The following HNRNPR variants were observed in gnomAD, a reference collection of about 807,000 sequenced individuals.
HNRNPR encodes heterogeneous nuclear ribonucleoprotein R.
A neutral mutation model predicts 70.3 loss-of-function variants in HNRNPR; 4 were observed. The observed-to-expected ratio is 0.06, with a 90% confidence interval of 0.03 to 0.13. The LOEUF is 0.13. Ranked by LOEUF, HNRNPR falls within the 10% of genes least tolerant of loss-of-function variation. The probability of loss-of-function intolerance (pLI) is 1.00; values close to 1 mark genes in which losing one functional copy is unlikely to be tolerated. For synonymous variants in HNRNPR, 241 were observed against 267.6 expected, an observed-to-expected ratio of 0.90 and a Z score of 0.97; for missense variants, 423 against 788.5, an observed-to-expected ratio of 0.54 and a Z score of 5.55.
chr1:23,341,123 C>T (rs1646689937), intron 1 of HNRNPR, 106 bp from the exon 2 acceptor site: 1 of 761,920 alleles, frequency 1.3e-6, no homozygotes, highest in African/African-American at 1.8e-5. Flanking sequence ...CTGCTAATAA[C>T]CTCTATCAAA....
intron 5 of HNRNPR, among the ~76,000 whole-genome samples, chr1:23,326,020 C>T (rs1645958945): frequency 6.6e-6 from 1 of 152,038 alleles, no homozygotes; most frequent in Admixed American, 6.6e-5. Context: ...GCCACTATGC[C>T]CAGCTAATAT....
chr1:23,340,085 G>A (rs918728915), intron 2 of HNRNPR, among the ~76,000 whole-genome samples: 2 of 150,970 alleles, frequency 1.3e-5, no homozygotes, highest in African/African-American at 2.4e-5. Flanking sequence ...AGACACATTT[G>A]TGAGTGAGAC....
intron 4 of HNRNPR, among the ~76,000 whole-genome samples, chr1:23,336,687 T>C (rs1570107953): frequency 7.0e-6 from 1 of 143,860 alleles, no homozygotes; most frequent in Non-Finnish European, 1.5e-5. Flanking sequence ...GAGACAGAGG[T>C]TGAAGTGAGC....
At position 23,310,665 on chromosome 1, in the gene HNRNPR, T is replaced by C. The variant is rs758800674; in HGVS notation, c.1691A>G (p.Asn564Ser). The C allele has an allele frequency of 8.1e-6, 13 of 1,613,398 alleles. No homozygotes were observed. The highest frequency in any genetic ancestry group is 4.4e-5 in the South Asian group (4 of 91,056). ...RGRGSRGSRGNRGGNVGGKRK... is the reference protein window; with the variant it reads ...RGRGSRGSRGSRGGNVGGKRK... ...CTTGCCTCCTACATTGCCCCCACGATTGCCCCGAGATCCACGGGAACCACG... is the reference window on the plus strand; with the variant it reads ...CTTGCCTCCTACATTGCCCCCACGACTGCCCCGAGATCCACGGGAACCACG... The change falls in exon 11 of 11, where the codon AAT (asparagine) becomes AGT (serine). Residue 564 changes from asparagine (N) to serine (S), a missense_variant. Physicochemically the swap from Asn to Ser is conservative, Grantham distance 46 (BLOSUM62 1). Around this residue, in one of 7 missense-constraint regions of HNRNPR, gnomAD observed 169 missense variants for 195.6 expected, o/e 0.86. Coordinates refer to ENST00000302271, the MANE Select transcript of HNRNPR (RefSeq NM_005826.5). The surrounding 1 kb of genome is among the most constrained non-coding windows in gnomAD (Gnocchi z 6.0).
intron 5 of HNRNPR, among the ~76,000 whole-genome samples, chr1:23,325,840 A>G (rs1374996503): frequency 6.6e-6 from 1 of 152,142 alleles, no homozygotes; most frequent in Non-Finnish European, 1.5e-5. Flanking sequence ...ATTGTATTAT[A>G]TTTATTTCCT....
intron 7 of HNRNPR, 29 bp downstream of exon 7, chr1:23,321,499 A>T: frequency 1.2e-6 from 2 of 1,601,178 alleles, no homozygotes; most frequent in Middle Eastern, 1.7e-4. Context: ...ATTTCGCAAA[A>T]GTAATTTCTA....
chr1:23,319,421 G>C (rs1645672277), intron 7 of HNRNPR, among the ~76,000 whole-genome samples: 1 of 152,172 alleles, frequency 6.6e-6, no homozygotes. Context: ...ACCTGGTTCT[G>C]AAGCCAGAAA....
At chr1:23,315,068 T>C (rs575594539) in intron 8 of HNRNPR, among the ~76,000 whole-genome samples, 4 of 151,908 alleles carry the variant, frequency 2.6e-5, no homozygotes, top group South Asian at 4.2e-4. Context: ...TCACCTGAGG[T>C]TGGGAGTTCA....
At chr1:23,311,365 G>A in intron 9 of HNRNPR, 43 bp from the exon 10 acceptor site, 3 of 1,311,378 alleles carry the variant, frequency 2.3e-6, no homozygotes, top group Non-Finnish European at 3.2e-6. Flanking sequence ...ATATAAAACT[G>A]TATTTTGTTT....
At chr1:23,326,983 T>C (rs1557882569) in intron 5 of HNRNPR, among the ~76,000 whole-genome samples, 1 of 152,100 alleles carries the variant, frequency 6.6e-6, no homozygotes, top group Non-Finnish European at 1.5e-5. Flanking sequence ...AAAATCAAAA[T>C]GATTAAAACC....
At chr1:23,341,285 T>G (rs928964720) in intron 1 of HNRNPR, among the ~76,000 whole-genome samples, 1 of 152,202 alleles carries the variant, frequency 6.6e-6, no homozygotes, top group African/African-American at 2.4e-5. Flanking sequence ...AAGGTAGAAT[T>G]GCTGATTAAC....
chr1:23,323,649 T>C lies in HNRNPR; in HGVS notation c.582A>G (p.Leu194=), dbSNP rs142539327. ...CGGACAGTGGATCCATCATAAGACG[T>C]AGATCCCAAATGGGTCCGGCCTTCT... ...LFEKAGPIWD[L]RLMMDPLSGQ... The change falls in exon 6 of 11, where the codon CTA becomes CTG. Residue 194 remains leucine (L), a synonymous_variant. Coordinates refer to ENST00000302271, the MANE Select transcript of HNRNPR (RefSeq NM_005826.5). The C allele has an allele frequency of 4.3e-6, 7 of 1,614,014 alleles. No homozygotes were observed. In the African/African-American group the frequency reaches 8.0e-5, roughly 18 times the overall value.
Position 23,338,505 on chromosome 1 carries a change from G to A in HNRNPR, c.261C>T (p.Asp87=), listed in dbSNP as rs374260361. The A allele has an allele frequency of 6.6e-5, 98 of 1,485,334 alleles. No homozygotes were observed. The East Asian group carries it at 1.3e-3, about 20-fold the overall frequency. 92.0% of individuals were successfully genotyped at this position (1,485,334 alleles called of 1,614,324 possible). The change falls in exon 3 of 11, where the codon GAC becomes GAT. Residue 87 remains aspartate, a synonymous_variant. Coordinates refer to ENST00000302271, the MANE Select transcript of HNRNPR (RefSeq NM_005826.5). ...ACGACCTTACCTGAACATGTGATAAGTCACTTTCCTTGAACTGCTGTAGTA... is the reference window on the plus strand; with the variant it reads ...ACGACCTTACCTGAACATGTGATAAATCACTTTCCTTGAACTGCTGTAGTA... ...LSVLQQFKES[D]LSHVQNKSAF... is the part of the protein sequence containing the mutation.
At chr1:23,317,830 T>C in intron 8 of HNRNPR, among the ~76,000 whole-genome samples, 1 of 150,414 alleles carries the variant, frequency 6.6e-6, no homozygotes, top group African/African-American at 2.4e-5. Context: ...AAATACAAAA[T>C]TTAGCCGGGC....
At position 23,310,999 on chromosome 1, in the gene HNRNPR, C is replaced by G. The variant is rs748400587; in HGVS notation, c.1357G>C (p.Gly453Arg). ...PPPIRGRGRG[G>R]GRGGYGYPPD... ...GGGTAGCCATATCCACCTCTCCCCC[C>G]ACCACGACCCCGACCTCTAATTGGA... Residue 453 changes from glycine to arginine, a missense_variant, in exon 11 of 11, where the codon GGG (glycine) becomes CGG (arginine). Transcript: ENST00000302271. This position sits in a 1 kb window ranked among gnomAD's most constrained non-coding sequence, Gnocchi z 6.0. 3 of 1,614,194 alleles carry G rather than the reference C, an allele frequency of 1.9e-6. No individual in the cohort carries two copies. Among genetic ancestry groups the G allele is most frequent in the Admixed American group, 1.7e-5 (1 of 60,032 alleles).
At chr1:23,333,674 T>G (rs1163543565) in intron 4 of HNRNPR, 43 bp from the exon 5 acceptor site, 1 of 1,097,918 alleles carries the variant, frequency 9.1e-7, no homozygotes, top group Non-Finnish European at 1.4e-6. Flanking sequence ...GTACTAAATC[T>G]CACACACAAG....
At position 23,307,001 on chromosome 1, in the gene HNRNPR, C is replaced by T. The variant is rs557346269; in HGVS notation, c.*3453G>A. ...TTTCTATAAGGCTTTTTCTTAGTTG[C>T]TCACTTAAGAGATTCCACATAATAA... On this transcript the variant is annotated 3_prime_UTR_variant, in exon 11 of 11. Transcript: ENST00000302271. 2 of 152,228 alleles carry T rather than the reference C, an allele frequency of 1.3e-5. No individual in the cohort carries two copies. The highest frequency in any genetic ancestry group is 1.3e-4 in the Admixed American group (2 of 15,294). 9.4% of individuals were successfully genotyped at this position (152,228 alleles called of 1,614,324 possible). A position where few individuals can be genotyped will look rare whatever the true frequency, so the allele number is the denominator to read the frequency against.
At chr1:23,338,458 T>C (rs1046390091) in intron 3 of HNRNPR, 32 bp downstream of exon 3, 9 of 830,160 alleles carry the variant, frequency 1.1e-5, no homozygotes, top group Non-Finnish European at 1.7e-5. Context: ...GATTACTAAT[T>C]GTTCAAAGAC....
At chr1:23,334,156 C>T (rs1224372924) in intron 4 of HNRNPR, among the ~76,000 whole-genome samples, 3 of 151,914 alleles carry the variant, frequency 2.0e-5, no homozygotes, top group African/African-American at 4.8e-5. Context: ...TCATGAGATC[C>T]GCCTGTCTTG....
Sources: gnomAD v4.1 joint callset for allele counts (sites outside exome capture counted in the v4.1 genomes callset) on GRCh38, gnomAD v4.1.1 for gene constraint, gnomAD v4.1.1 regional missense constraint, Gnocchi (gnomAD v3.1) non-coding constraint, MANE v1.5 for transcripts, NCBI Gene and HGNC (gene_info 2026-07-23, HGNC 2026-07-21) for gene names.